Variants in IL4R observed in about 807,000 individuals in gnomAD.
IL4R encodes the protein interleukin-4 receptor subunit alpha.
IL4R carries 17 observed loss-of-function variants against 41.5 expected under a neutral mutation model. The observed-to-expected ratio is 0.41, with a 90% CI of 0.28 to 0.61. The LOEUF (loss-of-function observed/expected upper bound fraction) is 0.61, where lower values mean the gene tolerates loss of function less well. IL4R is among the 20% of genes least tolerant of loss of function. The pLI is 0.31. For missense variants in IL4R, 974 were observed against 1,043.1 expected (o/e 0.93, Z 0.91); for synonymous variants, 402 against 422.9 (o/e 0.95, Z 0.61).
At chr16:27,325,818 G>T (rs2084942295) in intron 1 of IL4R, among the ~76,000 whole-genome samples, 1 of 151,978 alleles carries the variant, frequency 6.6e-6, no homozygotes, top group Non-Finnish European at 1.5e-5. Context: ...ATGAGGGAGG[G>T]TCTTCCCTGA....
chr16:27,349,307 T>C (rs3024590), intron 6 of IL4R, among the ~76,000 whole-genome samples: 80,393 of 151,548 alleles, frequency 0.53, 21,448 homozygotes, highest in East Asian at 0.64. Context: ...CACAGCACTA[T>C]AGGCACCAAC....
At chr16:27,319,351 G>A (rs1422725347) in intron 1 of IL4R, among the ~76,000 whole-genome samples, 1 of 152,240 alleles carries the variant, frequency 6.6e-6, no homozygotes, top group Non-Finnish European at 1.5e-5. Context: ...GGCACAGAGA[G>A]GTTCAGTGAC....
intron 7 of IL4R, 113 bp downstream of exon 7, chr16:27,352,809 T>C (rs2085924117): frequency 1.9e-6 from 2 of 1,073,886 alleles, no homozygotes; most frequent in Non-Finnish European, 2.7e-6. Flanking sequence ...ATGCCTCTAA[T>C]GGCAATCCTG....
At chr16:27,348,448 G>A (rs1025759786) in intron 6 of IL4R, among the ~76,000 whole-genome samples, 1 of 152,166 alleles carries the variant, frequency 6.6e-6, no homozygotes, top group Non-Finnish European at 1.5e-5. Context: ...TTCTAGATCT[G>A]CCTTCAGGCA....
chr16:27,361,035 C>A, intron 10 of IL4R: 1 of 1,427,090 alleles, frequency 7.0e-7, no homozygotes, highest in Non-Finnish European at 9.2e-7. Flanking sequence ...ATGGTGATAC[C>A]CCTTGGGAGT....
intron 2 of IL4R, among the ~76,000 whole-genome samples, chr16:27,337,179 G>A (rs993021092): frequency 1.3e-5 from 2 of 152,146 alleles, no homozygotes; most frequent in African/African-American, 2.4e-5. Context: ...CCCAGGTGGA[G>A]AGGGAGGTGG....
chr16:27,321,014 G>A (rs908809723), intron 1 of IL4R, among the ~76,000 whole-genome samples: 2 of 151,530 alleles, frequency 1.3e-5, no homozygotes, highest in Non-Finnish European at 2.9e-5. Context: ...CGCAATCTCA[G>A]CTCACTGCAA....
At chr16:27,325,222 C>G (rs576410436) in intron 1 of IL4R, among the ~76,000 whole-genome samples, 53 of 151,708 alleles carry the variant, frequency 3.5e-4, no homozygotes, top group Non-Finnish European at 4.4e-5. Context: ...TCCCTCCTGC[C>G]TGCCTATTCG....
chr16:27,350,493 G>A (rs1354372149), intron 6 of IL4R, among the ~76,000 whole-genome samples: 1 of 151,970 alleles, frequency 6.6e-6, no homozygotes, highest in African/African-American at 2.4e-5. Flanking sequence ...CTTTGCACCA[G>A]GTTTCCCCAA....
intron 1 of IL4R, among the ~76,000 whole-genome samples, chr16:27,323,847 C>T (rs576650942): frequency 7.2e-5 from 11 of 152,030 alleles, no homozygotes; most frequent in East Asian, 3.9e-4. Flanking sequence ...TTGGTAGAGA[C>T]GGGGTCTTGC....
intron 2 of IL4R, among the ~76,000 whole-genome samples, chr16:27,334,635 C>T (rs998492042): frequency 7.9e-5 from 12 of 152,088 alleles, no homozygotes; most frequent in Admixed American, 1.3e-4. Context: ...GCCATCTCTG[C>T]CACAGGATAC....
Position 27,362,375 on chromosome 16 carries a change from GT to G in IL4R, c.1024del (p.Cys342AlafsTer36), listed in dbSNP as rs2086326884. On this transcript the variant is annotated frameshift_variant, in exon 11 of 11. Transcript: ENST00000395762. LOFTEE classifies it low-confidence loss of function (END_TRUNC). The stretch of plus-strand genomic sequence containing the variant: ...TCCAGGGCTCTGGAAAATCAGCATG[GT>G]GCCCAGTGGAGATCAGCAAGACAGT... ...PFQGSGKSAW[C>X]PVEISKTVLW... 1 of 1,614,048 alleles carries G rather than the reference GT, an allele frequency of 6.2e-7. No homozygotes were observed.
chr16:27,320,227 C>G (rs1208980152), intron 1 of IL4R, among the ~76,000 whole-genome samples: 1 of 152,268 alleles, frequency 6.6e-6, no homozygotes, highest in African/African-American at 2.4e-5. Context: ...CTCCCATCGC[C>G]CTTGGATGGG....
chr16:27,327,213 T>C (rs1168823403), intron 1 of IL4R, among the ~76,000 whole-genome samples: 1 of 152,092 alleles, frequency 6.6e-6, no homozygotes, highest in Non-Finnish European at 1.5e-5. Context: ...GCTTGCATCC[T>C]GTCTGCAGAA....
intron 7 of IL4R, 101 bp from the exon 8 acceptor site, chr16:27,355,707 T>C: frequency 1.3e-6 from 1 of 747,094 alleles, no homozygotes; most frequent in African/African-American, 1.7e-5. Context: ...TCGTGGAGGG[T>C]CTCGGACGAG....
rs139142842 is a variant in IL4R, at chr16:27,360,219, G to A, written c.850-547G>A. On this transcript the variant is annotated intron_variant, in intron 9 of 10. Coordinates refer to ENST00000395762, the MANE Select transcript of IL4R (RefSeq NM_000418.4). ...AATAGAGATGGGGTTTCTTCATGTCGGTCAGGCTGGTCTGGAACTCCTAAT... is the reference window on the plus strand; with the variant it reads ...AATAGAGATGGGGTTTCTTCATGTCAGTCAGGCTGGTCTGGAACTCCTAAT... Among the ~76,000 whole-genome samples the A allele has an allele frequency of 2.8e-3, 432 of 152,258 alleles. 2 individuals are homozygous for A. The highest frequency in any genetic ancestry group is 1.0e-2 in the African/African-American group (415 of 41,550).
chr16:27,337,836 G>A (rs1358510329), intron 2 of IL4R, among the ~76,000 whole-genome samples: 2 of 151,654 alleles, frequency 1.3e-5, no homozygotes, highest in African/African-American at 4.8e-5. Flanking sequence ...ACAGATGTGA[G>A]CCACCACGCC....
rs556773225 is a variant in IL4R, at chr16:27,351,812, G to C, written c.514-728G>C. On this transcript the variant is annotated intron_variant, in intron 6 of 10. Transcript: ENST00000395762. The stretch of plus-strand genomic sequence containing the variant: ...TTACAGGCATGAGCCACCATGCCCA[G>C]CCCCATCTCTCTTTAAAAAACAAAC... 5.3e-5 allele frequency among the ~76,000 whole-genome samples: 8 copies of C among 152,228 alleles called. No individual in the cohort carries two copies. The East Asian group carries it at 7.7e-4, about 15-fold the overall frequency.
At chr16:27,322,789 T>C (rs370440925) in intron 1 of IL4R, among the ~76,000 whole-genome samples, 4 of 152,190 alleles carry the variant, frequency 2.6e-5, no homozygotes, top group African/African-American at 7.2e-5. Flanking sequence ...TTCTATTTTA[T>C]TGATGTCAGT....
Sources: gnomAD v4.1 joint callset for allele counts (sites outside exome capture counted in the v4.1 genomes callset) on GRCh38, gnomAD v4.1.1 for gene constraint, MANE v1.5 for transcripts, NCBI Gene and HGNC (gene_info 2026-07-23, HGNC 2026-07-21) for gene names.